The following AHI1 variants were observed in gnomAD, a reference collection of about 807,000 sequenced individuals.
The protein encoded by AHI1 is jouberin.
A neutral mutation model predicts 149.3 loss-of-function variants in AHI1; 123 were observed. The observed-to-expected ratio is 0.82, with a 90% CI of 0.71 to 0.96. The LOEUF (loss-of-function observed/expected upper bound fraction) is 0.96. AHI1 is among the 40% of genes least tolerant of loss of function. The pLI, the probability that AHI1 is intolerant of heterozygous loss-of-function variation, is 0.00. For synonymous variants in AHI1, 475 were observed against 459.8 expected (o/e 1.03, Z -0.42); for missense variants, 1,439 against 1,422.7 (o/e 1.01, Z -0.18).
At chr6:135,293,398 AAAAAAAAG>A (rs560224628) in intron 27 of AHI1, among the ~76,000 whole-genome samples, 5,959 of 109,546 alleles carry the variant, frequency 0.054, 472 homozygotes, top group African/African-American at 0.3. Flanking sequence ...AGGGCAAAAA[AAAAAAAAG>A]AAAAAAAAAA....
chr6:135,295,473 C>CA (rs202132785), intron 27 of AHI1, among the ~76,000 whole-genome samples: 2,447 of 151,840 alleles, frequency 0.016, 72 homozygotes, highest in African/African-American at 0.056. Context: ...GTTAAACAAA[C>CA]AAAAAAAACC....
At chr6:135,294,372 C>T (rs1484725862) in intron 27 of AHI1, among the ~76,000 whole-genome samples, 2 of 149,718 alleles carry the variant, frequency 1.3e-5, no homozygotes, top group Non-Finnish European at 3.0e-5. Flanking sequence ...AAACACCCAA[C>T]ATTAGCTTGT....
At chr6:135,413,157 T>C (rs1359858961) in intron 20 of AHI1, among the ~76,000 whole-genome samples, 1 of 151,856 alleles carries the variant, frequency 6.6e-6, no homozygotes, top group Non-Finnish European at 1.5e-5. Flanking sequence ...AATGAGACCC[T>C]GTCTCTATAA....
At chr6:135,482,894 C>CTTTGTTTTTTTTTTTTTTTTTT (rs1793901897) in intron 5 of AHI1, among the ~76,000 whole-genome samples, 1 of 55,732 alleles carries the variant, frequency 1.8e-5, no homozygotes, top group Non-Finnish European at 2.8e-5. Context: ...CCATTTAAGG[C>CTTTGTTTTTTTTTTTTTTTTTT]TTTTTTTTTT....
chr6:135,367,321 C>T (rs1296841605), intron 23 of AHI1, among the ~76,000 whole-genome samples: 4 of 152,126 alleles, frequency 2.6e-5, no homozygotes, highest in Non-Finnish European at 1.5e-5. Context: ...CTTTAGATAA[C>T]CTGATGATGT....
rs535324068 is a variant in AHI1 at position 135,421,782 on chromosome 6, A to G, written c.2764+5385T>C. Among the ~76,000 whole-genome samples, 91 of 152,322 alleles carry G rather than the reference A, an allele frequency of 6.0e-4. 1 individual carries two copies. Among genetic ancestry groups the G allele is most frequent in the African/African-American group, 2.1e-3 (89 of 41,578 alleles). ...TATAAACTTTCATATCAAAGTACCTATTATGTGAATAATATTAAAATAGGT... is the reference window on the plus strand; with the variant it reads ...TATAAACTTTCATATCAAAGTACCTGTTATGTGAATAATATTAAAATAGGT... On this transcript the variant is annotated intron_variant, in intron 20 of 28. Coordinates refer to ENST00000265602, the MANE Select transcript of AHI1 (RefSeq NM_001134831.2).
intron 11 of AHI1, among the ~76,000 whole-genome samples, chr6:135,451,163 A>G (rs1356131050): frequency 6.6e-6 from 1 of 151,810 alleles, no homozygotes; most frequent in Non-Finnish European, 1.5e-5. Flanking sequence ...CATCTGGCAA[A>G]TTTTTGTATT....
chr6:135,437,018 G>A (rs1457581519), intron 15 of AHI1, among the ~76,000 whole-genome samples: 1 of 152,192 alleles, frequency 6.6e-6, no homozygotes, highest in East Asian at 1.9e-4. Flanking sequence ...AGGTCAAATA[G>A]CCTTTAAAAC....
intron 24 of AHI1, among the ~76,000 whole-genome samples, chr6:135,335,939 C>A (rs958650917): frequency 6.6e-6 from 1 of 151,362 alleles, no homozygotes; most frequent in African/African-American, 2.4e-5. Flanking sequence ...ATGGTGAAAC[C>A]CCATCTCTAC....
At chr6:135,473,902 A>AT (rs997125896) in intron 5 of AHI1, among the ~76,000 whole-genome samples, 50 of 152,126 alleles carry the variant, frequency 3.3e-4, no homozygotes, top group Admixed American at 2.8e-3. Flanking sequence ...TCAACGTATG[A>AT]TTTTTTTTAC....
chr6:135,428,891 A>T (rs1784271477), intron 18 of AHI1, 132 bp from the exon 19 acceptor site: 2 of 744,390 alleles, frequency 2.7e-6, no homozygotes, highest in Non-Finnish European at 4.2e-6. Context: ...TATGGGAGAC[A>T]TTCTATAATA....
chr6:135,352,712 TACAC>T (rs573886880), intron 24 of AHI1, among the ~76,000 whole-genome samples: 4,022 of 145,454 alleles, frequency 0.028, 174 homozygotes, highest in African/African-American at 0.094. Flanking sequence ...TATATATATA[TACAC>T]ACACACACAC....
At chr6:135,407,788 G>A (rs991378937) in intron 21 of AHI1, among the ~76,000 whole-genome samples, 9 of 151,948 alleles carry the variant, frequency 5.9e-5, no homozygotes, top group Non-Finnish European at 1.2e-4. Context: ...CGAGGTGGGC[G>A]GATCACAAGG....
intron 11 of AHI1, among the ~76,000 whole-genome samples, chr6:135,449,365 T>C (rs937694803): frequency 1.3e-5 from 2 of 152,172 alleles, no homozygotes; most frequent in Non-Finnish European, 1.5e-5. Context: ...TGGAGATTTT[T>C]ATGAGAAACA....
intron 5 of AHI1, among the ~76,000 whole-genome samples, chr6:135,482,690 G>A (rs767840507): frequency 6.6e-6 from 1 of 151,392 alleles, no homozygotes; most frequent in African/African-American, 2.4e-5. Flanking sequence ...CTCTCCTAGA[G>A]TCTGTTTCTA....
chr6:135,382,894 TAAAAAAAAAAAAAAAAAAA>T (rs573438726), intron 23 of AHI1, among the ~76,000 whole-genome samples: 2 of 15,594 alleles, frequency 1.3e-4, no homozygotes, highest in African/African-American at 2.9e-4. Context: ...GCAAAATTAG[TAAAAAAAAAAAAAAAAAAA>T]AAAAAAAAAA....
At chr6:135,296,980 G>A (rs748220759) in intron 27 of AHI1, among the ~76,000 whole-genome samples, 5 of 152,174 alleles carry the variant, frequency 3.3e-5, no homozygotes, top group Non-Finnish European at 7.3e-5. Context: ...TCAGTACCTA[G>A]TATAGCACCT....
At chr6:135,340,458 G>C (rs1466812893) in intron 24 of AHI1, among the ~76,000 whole-genome samples, 1 of 151,170 alleles carries the variant, frequency 6.6e-6, no homozygotes, top group East Asian at 1.9e-4. Flanking sequence ...ATTAAAAAAA[G>C]GTGAAATAAA....
At chr6:135,483,300 G>A (rs1794001941) in intron 5 of AHI1, among the ~76,000 whole-genome samples, 1 of 151,940 alleles carries the variant, frequency 6.6e-6, no homozygotes, top group Non-Finnish European at 1.5e-5. Flanking sequence ...CTAAATCCAG[G>A]CCAGCACTTA....
Sources: allele counts gnomAD v4.1 joint callset (sites outside exome capture counted in the v4.1 genomes callset), GRCh38; gene constraint gnomAD v4.1.1; transcripts MANE v1.5; gene names NCBI Gene and HGNC (gene_info 2026-07-23, HGNC 2026-07-21).